The following PRDM16 variants were observed in gnomAD, a reference collection of about 807,000 sequenced individuals.
PRDM16 encodes the protein histone-lysine N-methyltransferase PRDM16.
In PRDM16, 23 loss-of-function variants were observed where a neutral mutation model predicts 110.6. That is an observed-to-expected ratio of 0.21 (90% CI 0.15 to 0.29). The LOEUF (loss-of-function observed/expected upper bound fraction) is 0.29, where lower values mean the gene tolerates loss of function less well. Ranked by LOEUF, PRDM16 falls within the 10% of genes least tolerant of loss-of-function variation. The pLI, the probability that PRDM16 is intolerant of heterozygous loss-of-function variation, is 1.00. For missense variants in PRDM16, 1,615 were observed against 1,794.3 expected, an observed-to-expected ratio of 0.90 and a Z score of 1.81; for synonymous variants, 799 against 781.8, an observed-to-expected ratio of 1.02 and a Z score of -0.37.
intron 4 of PRDM16, chr1:3,394,555 A>G (rs371957821): frequency 1.4e-4 from 58 of 409,554 alleles, no homozygotes; most frequent in East Asian, 8.7e-4. Flanking sequence ...CAGGGTCCAC[A>G]TTGCCCTCTA....
At chr1:3,405,442 G>GCCA (rs1643545789) in intron 7 of PRDM16, 53 bp from the exon 8 acceptor site, 1 of 1,504,794 alleles carries the variant, frequency 6.6e-7, no homozygotes, top group African/African-American at 1.4e-5. Context: ...GCCAGAACCA[G>GCCA]GCCAAGGCGG....
At chr1:3,366,103 T>C (rs55798279) in intron 3 of PRDM16, among the ~76,000 whole-genome samples, 9,338 of 152,312 alleles carry the variant, frequency 0.061, 299 homozygotes, top group African/African-American at 0.076. Flanking sequence ...GAGGTGAGGC[T>C]AAGAAATAAC....
At chr1:3,273,904 CGT>C (rs762598217) in intron 3 of PRDM16, among the ~76,000 whole-genome samples, 129 of 129,124 alleles carry the variant, frequency 1.0e-3, no homozygotes, top group Non-Finnish European at 1.8e-3. Flanking sequence ...TGCGTGTGCA[CGT>C]GTGGCATGTA....
At chr1:3,279,869 C>G (rs768172921) in intron 3 of PRDM16, among the ~76,000 whole-genome samples, 2 of 53,704 alleles carry the variant, frequency 3.7e-5, no homozygotes, top group African/African-American at 1.6e-4. Flanking sequence ...GGCGGCCCCT[C>G]CTCCCACCCC....
intron 3 of PRDM16, among the ~76,000 whole-genome samples, chr1:3,258,212 T>A (rs1158043277): frequency 6.6e-6 from 1 of 152,182 alleles, no homozygotes; most frequent in Non-Finnish European, 1.5e-5. Flanking sequence ...TGGGCTTGGC[T>A]GCATCCCTGT....
intron 1 of PRDM16, among the ~76,000 whole-genome samples, chr1:3,105,697 C>T (rs543270960): frequency 5.9e-5 from 9 of 152,234 alleles, no homozygotes; most frequent in Non-Finnish European, 8.8e-5. Context: ...CTGCCTCCCG[C>T]AGTAATTACA....
chr1:3,310,560 T>G (rs1408297990), intron 3 of PRDM16, among the ~76,000 whole-genome samples: 1 of 152,018 alleles, frequency 6.6e-6, no homozygotes, highest in Non-Finnish European at 1.5e-5. Context: ...ACAGCATCCG[T>G]GCCTGGGGAG....
At chr1:3,256,783 G>A (rs367821060) in intron 3 of PRDM16, among the ~76,000 whole-genome samples, 2 of 152,164 alleles carry the variant, frequency 1.3e-5, no homozygotes, top group East Asian at 1.9e-4. Flanking sequence ...CGTGAACCCA[G>A]GAGGCAGAGC....
At chr1:3,334,185 C>T (rs866397523) in intron 3 of PRDM16, among the ~76,000 whole-genome samples, 9 of 152,156 alleles carry the variant, frequency 5.9e-5, no homozygotes, top group Non-Finnish European at 1.2e-4. Context: ...ACCCCGAGGA[C>T]GAGTGTTTAC....
rs1642680460 is a variant in PRDM16 at position 3,359,861 on chromosome 1, C to T, written c.439-25291C>T. Among the ~76,000 whole-genome samples the T allele has an allele frequency of 7.1e-6, 1 of 141,302 alleles. No homozygotes were observed. Among genetic ancestry groups the T allele is most frequent in the Non-Finnish European group, 1.5e-5 (1 of 67,986 alleles). The allele number at this position is 141,302 out of a possible 152,430, so 92.7% of individuals were successfully genotyped here. A position where few individuals can be genotyped will look rare whatever the true frequency, so the allele number is the denominator to read the frequency against. ...AGAAGGTGGCACCCGACAAGGGCTT[C>T]CAATGTGTTCCATGTGCAGGATCTC... On this transcript the variant is annotated intron_variant, in intron 3 of 16. Coordinates refer to ENST00000270722, the MANE Select transcript of PRDM16 (RefSeq NM_022114.4). The surrounding 1 kb of genome is among the most constrained non-coding windows in gnomAD (Gnocchi z 4.3).
intron 3 of PRDM16, among the ~76,000 whole-genome samples, chr1:3,372,566 T>C (rs796503865): frequency 1.2e-4 from 18 of 152,376 alleles, no homozygotes; most frequent in African/African-American, 4.3e-4. Context: ...GGTTTGGGGC[T>C]GTTGGGCTTT....
At position 3,269,805 on chromosome 1, in the gene PRDM16, TCCCA is replaced by T. The variant is rs1287615059; in HGVS notation, c.438+25669_438+25672del. On this transcript the variant is annotated intron_variant, in intron 3 of 16. Transcript: ENST00000270722. ...GGAGGAAAGTCTCAGAGGAGGACAG[TCCCA>T]GAGAATGACAGGGAGGAGGACAGTC... 2.0e-3 allele frequency among the ~76,000 whole-genome samples: 291 copies of T among 142,668 alleles called. 30 individuals carry two copies. Among genetic ancestry groups the T allele is most frequent in the Middle Eastern group, 9.2e-3 (2 of 218 alleles). 93.6% of individuals were successfully genotyped at this position (142,668 alleles called of 152,430 possible).
At chr1:3,300,419 G>A (rs111985649) in intron 3 of PRDM16, among the ~76,000 whole-genome samples, 14 of 135,918 alleles carry the variant, frequency 1.0e-4, no homozygotes, top group South Asian at 5.0e-4. Flanking sequence ...GATCCCAGTC[G>A]TGGTGACTCT....
intron 4 of PRDM16, among the ~76,000 whole-genome samples, chr1:3,394,964 G>A (rs568005060): frequency 5.9e-5 from 9 of 151,954 alleles, no homozygotes; most frequent in Non-Finnish European, 8.8e-5. Context: ...CATAATTTTA[G>A]CAACTTACCT....
intron 3 of PRDM16, among the ~76,000 whole-genome samples, chr1:3,287,573 C>G (rs1216330627): frequency 1.2e-4 from 4 of 34,626 alleles, no homozygotes; most frequent in African/African-American, 7.4e-4. Flanking sequence ...CGCGGGCATC[C>G]AGGATTGCAT....
intron 8 of PRDM16, among the ~76,000 whole-genome samples, chr1:3,409,945 GGT>G (rs567217176): frequency 9.7e-4 from 119 of 122,162 alleles, no homozygotes; most frequent in African/African-American, 3.1e-3. Context: ...GTGTGGTGTG[GGT>G]GTGTGTGCGT....
rs1047852284 is a variant in PRDM16 at position 3,245,589 on chromosome 1, A to G, written c.438+1452A>G. 6.6e-6 allele frequency among the ~76,000 whole-genome samples: 1 copy of G among 152,164 alleles called. No individual in the cohort carries two copies. The highest frequency in any genetic ancestry group is 2.4e-5 in the African/African-American group (1 of 41,448). ...CCTGGGGTCCTTTTGTCCAAGGACA[A>G]GGTGTCGGCTCTCAGTCCCCGCCGT... On this transcript the variant is annotated intron_variant, in intron 3 of 16. Coordinates refer to ENST00000270722, the MANE Select transcript of PRDM16 (RefSeq NM_022114.4). The surrounding 1 kb of genome is among the most constrained non-coding windows in gnomAD (Gnocchi z 4.7).
intron 9 of PRDM16, 47 bp from the exon 10 acceptor site, chr1:3,414,513 G>A: frequency 6.8e-7 from 1 of 1,468,556 alleles, no homozygotes; most frequent in Non-Finnish European, 9.4e-7. Flanking sequence ...TGGCTCGGCG[G>A]GGCGGGCGGC....
intron 8 of PRDM16, among the ~76,000 whole-genome samples, chr1:3,408,952 C>T (rs1357171123): frequency 2.2e-5 from 3 of 136,244 alleles, no homozygotes; most frequent in South Asian, 2.4e-4. Context: ...GAGTGAGGGG[C>T]GTGTGAGCCA....
Sources: allele counts gnomAD v4.1 joint callset (sites outside exome capture counted in the v4.1 genomes callset), GRCh38; gene constraint gnomAD v4.1.1; non-coding constraint Gnocchi (gnomAD v3.1); transcripts MANE v1.5; gene names NCBI Gene and HGNC (gene_info 2026-07-23, HGNC 2026-07-21).